Variants in ITGAE observed in about 807,000 individuals in gnomAD.
ITGAE encodes integrin subunit alpha E, also known as integrin alpha-E.
ITGAE carries 99 observed loss-of-function variants against 136.5 expected under a neutral mutation model. That is an observed-to-expected ratio of 0.73 (90% CI 0.62 to 0.86). The LOEUF (loss-of-function observed/expected upper bound fraction) is 0.86. Ranked by LOEUF, ITGAE falls within the 40% of genes least tolerant of loss-of-function variation. The pLI is 0.00. For missense variants in ITGAE, 1,447 were observed against 1,515.3 expected (o/e 0.95, Z 0.75); for synonymous variants, 613 against 591.8 (o/e 1.04, Z -0.52).
intron 27 of ITGAE, 143 bp from the exon 28 acceptor site, chr17:3,723,526 C>T (rs1197040370): frequency 9.1e-6 from 9 of 991,762 alleles, no homozygotes; most frequent in Non-Finnish European, 1.4e-5. Flanking sequence ...CCAAGCGAAG[C>T]TCCAGCGGGA....
chr17:3,752,153 C>T (rs375971133), intron 14 of ITGAE, among the ~76,000 whole-genome samples: 39 of 152,184 alleles, frequency 2.6e-4, no homozygotes, highest in African/African-American at 8.0e-4. Context: ...GGCCAGGGAC[C>T]TTCCCAAGGC....
chr17:3,800,868 A>C (rs2053241014), intron 1 of ITGAE, among the ~76,000 whole-genome samples: 1 of 152,294 alleles, frequency 6.6e-6, no homozygotes, highest in East Asian at 1.9e-4. Flanking sequence ...AGAATGGCAG[A>C]GCCCTGGAGT....
At chr17:3,741,173 G>T (rs2051578921) in intron 19 of ITGAE, among the ~76,000 whole-genome samples, 1 of 148,598 alleles carries the variant, frequency 6.7e-6, no homozygotes, top group Non-Finnish European at 1.5e-5. Flanking sequence ...CGCCTCCCGG[G>T]TTCACGCCAT....
At chr17:3,758,969 T>TA (rs1426375179) in intron 8 of ITGAE, among the ~76,000 whole-genome samples, 1 of 151,230 alleles carries the variant, frequency 6.6e-6, no homozygotes, top group Non-Finnish European at 1.5e-5. Flanking sequence ...ATTAGAAATA[T>TA]AAAAAATTAA....
Position 3,779,820 on chromosome 17 carries a change from A to G in ITGAE, c.35-2160T>C, listed in dbSNP as rs777656027. On this transcript the variant is annotated intron_variant, in intron 1 of 30. Transcript: ENST00000263087. ...TTTCATTTAAAATTTTTTGGGGAAA[A>G]ATAGATATCGATAGATTACCTCCCA... Among the ~76,000 whole-genome samples the G allele has an allele frequency of 5.2e-4, 79 of 152,144 alleles. 1 individual carries two copies. The highest frequency in any genetic ancestry group is 1.1e-3 in the Non-Finnish European group (76 of 68,036).
intron 30 of ITGAE, 129 bp from the exon 31 acceptor site, chr17:3,715,071 CCTAA>C (rs2050917076): frequency 1.6e-6 from 1 of 620,000 alleles, no homozygotes; most frequent in Non-Finnish European, 2.9e-6. Context: ...ACTCCCTTCT[CCTAA>C]CTTACTCTGA....
At chr17:3,735,027 C>T (rs972917185) in intron 20 of ITGAE, 78 bp from the exon 21 acceptor site, 101 of 1,528,916 alleles carry the variant, frequency 6.6e-5, no homozygotes, top group East Asian at 1.4e-4. Flanking sequence ...GGACATTCAC[C>T]GAGGCTAGAG....
In ITGAE at chr17:3,728,277, C is replaced by T. The variant is rs2051261542; in HGVS notation, c.2913-109G>A. 1.4e-5 allele frequency: 12 copies of T among 848,836 alleles called. No homozygotes were observed. The South Asian group carries it at 1.6e-4, about 12-fold the overall frequency. 52.6% of individuals were successfully genotyped at this position (848,836 alleles called of 1,614,324 possible). A position where few individuals can be genotyped will look rare whatever the true frequency, so the allele number is the denominator to read the frequency against. On this transcript the variant is annotated intron_variant, in intron 24 of 30. Coordinates refer to ENST00000263087, the MANE Select transcript of ITGAE (RefSeq NM_002208.5). The stretch of plus-strand genomic sequence containing the variant: ...AGAGCACAGTGGAACAATCATGGCT[C>T]AGTGTAGCCTCAACCTCCCAGGCTC...
chr17:3,773,722 C>CT (rs763120808), intron 2 of ITGAE, among the ~76,000 whole-genome samples: 1 of 152,140 alleles, frequency 6.6e-6, no homozygotes, highest in Non-Finnish European at 1.5e-5. Context: ...TGGTGATCAA[C>CT]TAAACCTTCA....
intron 1 of ITGAE, among the ~76,000 whole-genome samples, chr17:3,786,609 C>T (rs1295313038): frequency 1.3e-5 from 2 of 152,034 alleles, no homozygotes; most frequent in Non-Finnish European, 2.9e-5. Context: ...AAGCATAATA[C>T]GGCCGGGTGC....
chr17:3,720,673 G>A (rs528530162), intron 28 of ITGAE: 10 of 254,230 alleles, frequency 3.9e-5, no homozygotes, highest in East Asian at 1.1e-4. Flanking sequence ...CCTCCACCCC[G>A]TCAGGTTCAA....
intron 20 of ITGAE, among the ~76,000 whole-genome samples, chr17:3,739,432 T>C (rs2051533367): frequency 6.6e-6 from 1 of 152,226 alleles, no homozygotes; most frequent in African/African-American, 2.4e-5. Flanking sequence ...ATTAGTTAAT[T>C]TGGCCAAGAG....
In ITGAE at chr17:3,727,951, C is replaced by A; in HGVS notation, c.3052G>T (p.Val1018Phe). The A allele has an allele frequency of 6.2e-7, 1 of 1,614,058 alleles. No homozygotes were observed. Reference protein sequence around the residue: ...CVPTKLRGLQVVAVKKLTRTQ... With the variant: ...CVPTKLRGLQFVAVKKLTRTQ... ...CTCGTCAGCTTCTTCACTGCTACAA[C>A]CTGGAGACCTCGTAATTTGGTTGGG... The change falls in exon 26 of 31, where the codon GTT becomes TTT. Residue 1018 changes from valine to phenylalanine, a missense_variant. Around this residue, in one of 3 missense-constraint regions of ITGAE, gnomAD observed 1,031 missense variants for 1,011.4 expected, o/e 1.02. Coordinates refer to ENST00000263087, the MANE Select transcript of ITGAE (RefSeq NM_002208.5).
chr17:3,751,620 G>A (rs1241957877), intron 15 of ITGAE, 30 bp downstream of exon 15: 3 of 1,590,476 alleles, frequency 1.9e-6, no homozygotes, highest in Admixed American at 1.7e-5. Context: ...GAGCCCCAGA[G>A]GAGAGGAAGG....
At chr17:3,736,852 G>C (rs908327351) in intron 20 of ITGAE, among the ~76,000 whole-genome samples, 1 of 152,098 alleles carries the variant, frequency 6.6e-6, no homozygotes, top group Non-Finnish European at 1.5e-5. Context: ...AGGAAGTAAT[G>C]TGAGGTGTGT....
At chr17:3,735,267 A>G (rs988572023) in intron 20 of ITGAE, among the ~76,000 whole-genome samples, 5 of 152,216 alleles carry the variant, frequency 3.3e-5, no homozygotes, top group Non-Finnish European at 5.9e-5. Flanking sequence ...TCCCAGGTTC[A>G]AGCAATTCTC....
At chr17:3,795,916 C>T (rs1192512603) in intron 1 of ITGAE, among the ~76,000 whole-genome samples, 4 of 112,278 alleles carry the variant, frequency 3.6e-5, no homozygotes, top group Admixed American at 9.5e-5. Flanking sequence ...TATGCGCATC[C>T]GTGTGTGTGC....
At chr17:3,724,067 C>T (rs1427054302) in intron 26 of ITGAE, 1 of 1,597,302 alleles carries the variant, frequency 6.3e-7, no homozygotes, top group Non-Finnish European at 8.5e-7. Flanking sequence ...GGCGTTTCTT[C>T]AACAGCAGCG....
Position 3,755,274 on chromosome 17 carries a change from G to C in ITGAE, c.1240-13C>G, listed in dbSNP as rs2051993596. ...GCAGCACCTGCCGCTGAAGGGGACG[G>C]GGATGGGGCCCAGATGAGTGGGAGG... On this transcript the variant is annotated splice_polypyrimidine_tract_variant and intron_variant, in intron 11 of 30. Coordinates refer to ENST00000263087, the MANE Select transcript of ITGAE (RefSeq NM_002208.5). 1 of 1,565,378 alleles carries C rather than the reference G, an allele frequency of 6.4e-7. No individual in the cohort carries two copies. The highest frequency in any genetic ancestry group is 8.6e-7 in the Non-Finnish European group (1 of 1,162,300).
Sources: gnomAD v4.1 joint callset for allele counts (sites outside exome capture counted in the v4.1 genomes callset) on GRCh38, gnomAD v4.1.1 for gene constraint, gnomAD v4.1.1 regional missense constraint, MANE v1.5 for transcripts, NCBI Gene and HGNC (gene_info 2026-07-23, HGNC 2026-07-21) for gene names.